Variants in KCNH7 observed in about 807,000 individuals in gnomAD.
The protein encoded by KCNH7 is voltage-gated inwardly rectifying potassium channel KCNH7.
KCNH7 carries 49 observed loss-of-function variants against 120.8 expected under a neutral mutation model. The observed-to-expected ratio is 0.41, with a 90% CI of 0.32 to 0.51. The LOEUF is 0.51. Among genes scored for constraint, KCNH7 ranks in the 20% least tolerant of loss-of-function variants. KCNH7 has a pLI of 0.38. For missense variants in KCNH7, 1,097 were observed against 1,446.6 expected (o/e 0.76, Z 3.92); for synonymous variants, 547 against 516.1 (o/e 1.06, Z -0.81).
At position 162,388,197 on chromosome 2, in the gene KCNH7, TTAAAA is replaced by T. The variant is rs1232068049; in HGVS notation, c.2711-3263_2711-3259del. 7.9e-5 allele frequency among the ~76,000 whole-genome samples: 12 copies of T among 151,686 alleles called. No homozygotes were observed. The South Asian group carries it at 8.3e-4, about 10-fold the overall frequency. ...ATACAAAAATTAACAATTTAAAAAA[TTAAAA>T]TAAAGAAAAGATGGATATTGGTTTA... On this transcript the variant is annotated intron_variant, in intron 12 of 15. Transcript: ENST00000332142.
chr2:162,716,032 T>C (rs1687110409), intron 2 of KCNH7, among the ~76,000 whole-genome samples: 2 of 151,828 alleles, frequency 1.3e-5, no homozygotes, highest in African/African-American at 2.4e-5. Flanking sequence ...TTAAAACAAA[T>C]TAAAAATTTT....
chr2:162,443,191 C>G (rs936438463), intron 7 of KCNH7, among the ~76,000 whole-genome samples: 7 of 152,162 alleles, frequency 4.6e-5, no homozygotes, highest in Non-Finnish European at 1.5e-5. Context: ...CTGATCCAAA[C>G]CAATCTTTGT....
At chr2:162,523,616 A>G (rs1348461792) in intron 3 of KCNH7, among the ~76,000 whole-genome samples, 1 of 151,724 alleles carries the variant, frequency 6.6e-6, no homozygotes, top group Non-Finnish European at 1.5e-5. Context: ...TTTGGAAGAA[A>G]ACTATGACAC....
In KCNH7 at chr2:162,504,449, C is replaced by A. The variant is rs767739103; in HGVS notation, c.1122G>T (p.Val374=). 4 of 1,610,432 alleles carry A rather than the reference C, an allele frequency of 2.5e-6. No individual in the cohort carries two copies. In the South Asian group the frequency reaches 4.4e-5, roughly 18 times the overall value. Residue 374 remains valine (V), a synonymous_variant, in exon 6 of 16, where the codon GTG becomes GTT. Coordinates refer to ENST00000332142, the MANE Select transcript of KCNH7 (RefSeq NM_033272.4). ...KDRTHNVTEK[V]TQVLSLGADV... is the part of the protein sequence containing the mutation. ...TAAGAAAATTGTGTCCTACCTGGGT[C>A]ACTTTCTCAGTCACATTGTGTGTTC...
Position 162,384,828 on chromosome 2 carries a change from A to G in KCNH7, c.2822T>C (p.Ile941Thr), listed in dbSNP as rs944548875. Residue 941 changes from isoleucine to threonine, a missense_variant, in exon 13 of 16, where the codon ATT (isoleucine) becomes ACT (threonine). Physicochemically the swap from Ile to Thr is moderately conservative, Grantham distance 89. This residue lies in a region of KCNH7 where 406 missense variants were observed against 410.5 expected (regional missense o/e 0.99). Coordinates refer to ENST00000332142, the MANE Select transcript of KCNH7 (RefSeq NM_033272.4). ...GAAGAGCGGCTTTTGTTCATCATCA[A>G]TGGAGGAGATGAAAGATGAGGATCT... Reference protein sequence around the residue: ...KSRSSSFISSIDDEQKPLFSG... With the variant: ...KSRSSSFISSTDDEQKPLFSG... 2.1e-5 allele frequency: 34 copies of G among 1,612,684 alleles called. No homozygotes were observed. The highest frequency in any genetic ancestry group is 2.9e-5 in the Non-Finnish European group (34 of 1,179,102).
At chr2:162,805,550 C>T (rs1684509170) in intron 2 of KCNH7, among the ~76,000 whole-genome samples, 1 of 151,874 alleles carries the variant, frequency 6.6e-6, no homozygotes, top group African/African-American at 2.4e-5. Flanking sequence ...CTTCCTGCTA[C>T]AAGAATGGCC....
intron 2 of KCNH7, among the ~76,000 whole-genome samples, chr2:162,757,758 A>G (rs1688837187): frequency 2.0e-5 from 3 of 152,186 alleles, no homozygotes; most frequent in African/African-American, 7.2e-5. Context: ...TAACTAGGGC[A>G]TGCTTATTGA....
At chr2:162,757,726 C>T (rs1688835981) in intron 2 of KCNH7, among the ~76,000 whole-genome samples, 1 of 152,084 alleles carries the variant, frequency 6.6e-6, no homozygotes, top group Admixed American at 6.6e-5. Context: ...TCATATCAGA[C>T]CTTGGATTTC....
chr2:162,762,273 A>T (rs774581649), intron 2 of KCNH7, among the ~76,000 whole-genome samples: 36 of 151,826 alleles, frequency 2.4e-4, no homozygotes, highest in Non-Finnish European at 4.9e-4. Flanking sequence ...ATATATATGT[A>T]TATATACATA....
At chr2:162,789,669 G>GAA (rs1266304370) in intron 2 of KCNH7, among the ~76,000 whole-genome samples, 2 of 151,850 alleles carry the variant, frequency 1.3e-5, no homozygotes, top group Non-Finnish European at 2.9e-5. Flanking sequence ...TTCATGAACA[G>GAA]AATGGTATGA....
At chr2:162,469,965 T>G (rs1689445895) in intron 6 of KCNH7, among the ~76,000 whole-genome samples, 1 of 152,226 alleles carries the variant, frequency 6.6e-6, no homozygotes, top group Non-Finnish European at 1.5e-5. Flanking sequence ...AGCCTCGGCC[T>G]CCCGAGGTGC....
At chr2:162,429,462 T>C (rs1383736994) in intron 8 of KCNH7, among the ~76,000 whole-genome samples, 2 of 147,670 alleles carry the variant, frequency 1.4e-5, no homozygotes, top group Non-Finnish European at 3.0e-5. Context: ...CAAATTTTCA[T>C]CTGGTATAAT....
intron 6 of KCNH7, among the ~76,000 whole-genome samples, chr2:162,489,594 A>T (rs551084558): frequency 6.6e-6 from 1 of 152,358 alleles, no homozygotes; most frequent in South Asian, 2.1e-4. Context: ...GCCCTTGAAG[A>T]CAATGATCTT....
At chr2:162,571,449 T>C (rs1018502254) in intron 2 of KCNH7, among the ~76,000 whole-genome samples, 2 of 145,692 alleles carry the variant, frequency 1.4e-5, no homozygotes, top group African/African-American at 5.2e-5. Flanking sequence ...AGAATCAATA[T>C]CATGAAAATG....
At chr2:162,596,166 C>G (rs1694373166) in intron 2 of KCNH7, among the ~76,000 whole-genome samples, 1 of 151,982 alleles carries the variant, frequency 6.6e-6, no homozygotes, top group Non-Finnish European at 1.5e-5. Flanking sequence ...CAACCCCTAT[C>G]AAAACTCCAA....
chr2:162,574,080 G>A (rs1037776314), intron 2 of KCNH7, among the ~76,000 whole-genome samples: 1 of 151,986 alleles, frequency 6.6e-6, no homozygotes, highest in African/African-American at 2.4e-5. Context: ...AGTATTTAAT[G>A]ATCTAAAATC....
intron 2 of KCNH7, among the ~76,000 whole-genome samples, chr2:162,704,304 T>C (rs1447630385): frequency 6.6e-6 from 1 of 152,076 alleles, no homozygotes; most frequent in African/African-American, 2.4e-5. Context: ...TGCAAAATAA[T>C]GGCAAATCAT....
chr2:162,439,213 T>TA (rs147659584), intron 7 of KCNH7, among the ~76,000 whole-genome samples: 3,109 of 152,168 alleles, frequency 0.02, 220 homozygotes, highest in Admixed American at 0.15. Flanking sequence ...AAAACTAGAG[T>TA]AAAAAACTGT....
chr2:162,774,787 CT>C (rs1292088598), intron 2 of KCNH7, among the ~76,000 whole-genome samples: 2 of 152,116 alleles, frequency 1.3e-5, no homozygotes, highest in African/African-American at 4.8e-5. Flanking sequence ...ATTTTGGTGT[CT>C]TTCGAGTCTC....
Sources: gnomAD v4.1 joint callset for allele counts (sites outside exome capture counted in the v4.1 genomes callset) on GRCh38, gnomAD v4.1.1 for gene constraint, gnomAD v4.1.1 regional missense constraint, MANE v1.5 for transcripts, NCBI Gene and HGNC (gene_info 2026-07-23, HGNC 2026-07-21) for gene names.